Variants in MAOA observed in about 807,000 individuals in gnomAD.
The protein encoded by MAOA is monoamine oxidase A.
Under a neutral mutation model 42.0 loss-of-function variants are expected in MAOA, and 6 were observed. The observed-to-expected ratio is 0.14, with a 90% CI of 0.08 to 0.28. The LOEUF (loss-of-function observed/expected upper bound fraction) is 0.28. Ranked by LOEUF, MAOA falls within the 10% of genes least tolerant of loss-of-function variation. The pLI, the probability that MAOA is intolerant of heterozygous loss-of-function variation, is 1.00. For missense variants in MAOA, 262 were observed against 422.3 expected (o/e 0.62, Z 3.33); for synonymous variants, 140 against 154.0 (o/e 0.91, Z 0.67).
intron 2 of MAOA, among the ~76,000 whole-genome samples, chrX:43,686,979 G>A (rs2033492958): frequency 9.0e-6 from 1 of 111,185 alleles, no homozygotes; most frequent in Non-Finnish European, 1.9e-5. Context: ...GGTATTACCT[G>A]GCAAGCTGTT....
intron 1 of MAOA, among the ~76,000 whole-genome samples, chrX:43,675,173 C>T (rs1281163598): frequency 1.8e-5 from 2 of 111,466 alleles, no homozygotes; most frequent in Admixed American, 9.6e-5. Context: ...CTTCCCTTCT[C>T]GCTTCATTTC....
At chrX:43,735,158 T>C (rs1161065388) in intron 9 of MAOA, among the ~76,000 whole-genome samples, 2 of 112,238 alleles carry the variant, frequency 1.8e-5, no homozygotes, top group Non-Finnish European at 3.8e-5. Flanking sequence ...CTAAAGGAAC[T>C]GCCAATCCAA....
At position 43,736,480 on chromosome X, in the gene MAOA, G is replaced by A. The variant is rs571495400; in HGVS notation, c.1106+200G>A. ...GTGCATATATTAATTTTACATGTTC[G>A]TGTTTATTTTACAGTAGTTAAGAGG... On this transcript the variant is annotated intron_variant, in intron 10 of 14. Coordinates refer to ENST00000338702, the MANE Select transcript of MAOA (RefSeq NM_000240.4). Among the ~76,000 whole-genome samples the A allele has an allele frequency of 6.3e-5, 7 of 111,254 alleles. 1 individual carries two copies. The South Asian group carries it at 1.9e-3, about 30-fold the overall frequency.
At chrX:43,722,389 G>T (rs2033798453) in intron 5 of MAOA, among the ~76,000 whole-genome samples, 1 of 112,186 alleles carries the variant, frequency 8.9e-6, no homozygotes, top group African/African-American at 3.2e-5. Context: ...CATTCTAACT[G>T]TCATGAGATG....
chrX:43,686,805 A>G (rs1203789305), intron 2 of MAOA, among the ~76,000 whole-genome samples: 2 of 111,671 alleles, frequency 1.8e-5, no homozygotes, highest in Non-Finnish European at 3.8e-5. Flanking sequence ...GACTCAAAAA[A>G]TTAAAAATTT....
chrX:43,683,650 A>C (rs761645969), intron 2 of MAOA, 43 bp downstream of exon 2: 1 of 1,038,411 alleles, frequency 9.6e-7, no homozygotes. Flanking sequence ...TATCTCACTC[A>C]AACTACAAGT....
At position 43,742,065 on chromosome X, in the gene MAOA, C is replaced by G. The variant is rs372784589; in HGVS notation, c.1262+18C>G. 6.6e-6 allele frequency: 8 copies of G among 1,210,838 alleles called. No individual in the cohort carries two copies. The highest frequency in any genetic ancestry group is 8.9e-6 in the Non-Finnish European group (8 of 895,170). ...TATGGAAGGTATTACGCAAGCACTACGCCAATTAATCCAAGACCTGTGCCA... is the reference window on the plus strand; with the variant it reads ...TATGGAAGGTATTACGCAAGCACTAGGCCAATTAATCCAAGACCTGTGCCA... On this transcript the variant is annotated intron_variant, in intron 12 of 14. Coordinates refer to ENST00000338702, the MANE Select transcript of MAOA (RefSeq NM_000240.4).
At chrX:43,742,596 G>A (rs777385525) in intron 12 of MAOA, among the ~76,000 whole-genome samples, 4 of 112,150 alleles carry the variant, frequency 3.6e-5, no homozygotes, top group South Asian at 7.5e-4. Context: ...CATAGTGTCC[G>A]GTACCTTGCT....
intron 1 of MAOA, among the ~76,000 whole-genome samples, chrX:43,667,836 T>G (rs1361637839): frequency 8.9e-6 from 1 of 112,102 alleles, no homozygotes; most frequent in Non-Finnish European, 1.9e-5. Context: ...GTATATACAT[T>G]TTTTGCTATT....
At position 43,723,619 on chromosome X, in the gene MAOA, T is replaced by C. The variant is rs1463648316; in HGVS notation, c.504-4554T>C. 1.8e-4 allele frequency among the ~76,000 whole-genome samples: 20 copies of C among 111,931 alleles called. No homozygotes were observed. The East Asian group carries it at 5.6e-3, about 32-fold the overall frequency. ...ATGGGGCTTTCTAAATATATAATCA[T>C]GTCATCTGCAAACAGAGACAGTTTG... On this transcript the variant is annotated intron_variant, in intron 5 of 14. Transcript: ENST00000338702.
intron 1 of MAOA, among the ~76,000 whole-genome samples, chrX:43,664,265 T>C (rs1392251241): frequency 1.8e-5 from 2 of 112,140 alleles, no homozygotes; most frequent in Non-Finnish European, 3.8e-5. Context: ...AAAGAAAGAA[T>C]TTGGGAGAAA....
At chrX:43,715,567 A>C (rs1293238323) in intron 5 of MAOA, among the ~76,000 whole-genome samples, 1 of 111,181 alleles carries the variant, frequency 9.0e-6, no homozygotes, top group African/African-American at 3.3e-5. Flanking sequence ...ATTTCCAGGA[A>C]TGACCCTCAA....
chrX:43,724,687 G>C (rs1318942152), intron 5 of MAOA, among the ~76,000 whole-genome samples: 1 of 111,189 alleles, frequency 9.0e-6, no homozygotes, highest in Non-Finnish European at 1.9e-5. Flanking sequence ...GTTCTGCTCT[G>C]ATCTTAGTTA....
intron 1 of MAOA, among the ~76,000 whole-genome samples, chrX:43,673,615 G>T (rs1176500106): frequency 2.8e-5 from 3 of 109,058 alleles, no homozygotes; most frequent in Non-Finnish European, 5.7e-5. Context: ...ACACTGCTTT[G>T]AATGTGTCCC....
chrX:43,710,088 C>T (rs1230803804), intron 3 of MAOA, among the ~76,000 whole-genome samples: 2 of 112,187 alleles, frequency 1.8e-5, no homozygotes, highest in African/African-American at 3.2e-5. Flanking sequence ...TAGCTACTGC[C>T]GCTGGGCTTT....
At chrX:43,684,233 T>A (rs1051941611) in intron 2 of MAOA, among the ~76,000 whole-genome samples, 23 of 111,790 alleles carry the variant, frequency 2.1e-4, no homozygotes, top group African/African-American at 7.2e-4. Context: ...CTGCTTTTTT[T>A]ATACTTCGGC....
At chrX:43,712,157 A>T (rs929673816) in intron 4 of MAOA, among the ~76,000 whole-genome samples, 181 bp downstream of exon 4, 1 of 111,633 alleles carries the variant, frequency 9.0e-6, no homozygotes, top group African/African-American at 3.3e-5. Flanking sequence ...GTGCCCAGAG[A>T]TTATGTAATT....
intron 3 of MAOA, among the ~76,000 whole-genome samples, chrX:43,695,194 G>A (rs2033567763): frequency 8.9e-6 from 1 of 111,794 alleles, no homozygotes; most frequent in Admixed American, 9.5e-5. Flanking sequence ...TCCAATGTTT[G>A]TTTGTCCTCA....
intron 3 of MAOA, among the ~76,000 whole-genome samples, chrX:43,705,524 A>G (rs2033652892): frequency 8.9e-6 from 1 of 112,042 alleles, no homozygotes; most frequent in Non-Finnish European, 1.9e-5. Flanking sequence ...TGGAAGAAAA[A>G]ATAATAAATC....
Sources: allele counts gnomAD v4.1 joint callset (sites outside exome capture counted in the v4.1 genomes callset), GRCh38; gene constraint gnomAD v4.1.1; transcripts MANE v1.5; gene names NCBI Gene and HGNC (gene_info 2026-07-23, HGNC 2026-07-21).